HHAT: variants seen among roughly 807,000 people sequenced by gnomAD.
The protein encoded by HHAT is hedgehog acyltransferase, also known as protein-cysteine N-palmitoyltransferase HHAT.
A neutral mutation model predicts 70.8 loss-of-function variants in HHAT; 47 were observed. The observed-to-expected ratio is 0.66, with a 90% CI of 0.53 to 0.85. The LOEUF (loss-of-function observed/expected upper bound fraction) is 0.85. Among genes scored for constraint, HHAT ranks in the 40% least tolerant of loss-of-function variants. The probability of loss-of-function intolerance (pLI) is 0.00; values close to 1 mark genes in which losing one functional copy is unlikely to be tolerated. For missense variants in HHAT, 609 were observed against 604.8 expected (o/e 1.01, Z -0.07); for synonymous variants, 228 against 247.6 (o/e 0.92, Z 0.74).
chr1:210,486,256 A>G (rs2094471186), intron 8 of HHAT, among the ~76,000 whole-genome samples: 1 of 152,176 alleles, frequency 6.6e-6, no homozygotes, highest in South Asian at 2.1e-4. Flanking sequence ...GGACATAAAA[A>G]CAAAGTATTC....
At chr1:210,539,855 G>C (rs1487936650) in intron 9 of HHAT, among the ~76,000 whole-genome samples, 1 of 152,144 alleles carries the variant, frequency 6.6e-6, no homozygotes, top group African/African-American at 2.4e-5. Context: ...CTGGATATGA[G>C]AGTGTGTATC....
At chr1:210,410,721 T>C (rs899985106) in intron 6 of HHAT, among the ~76,000 whole-genome samples, 1 of 151,838 alleles carries the variant, frequency 6.6e-6, no homozygotes, top group African/African-American at 2.4e-5. Flanking sequence ...AGACAGGGTT[T>C]GACCCTGTTG....
intron 8 of HHAT, among the ~76,000 whole-genome samples, chr1:210,495,877 G>A (rs888996936): frequency 6.6e-6 from 1 of 151,978 alleles, no homozygotes; most frequent in African/African-American, 2.4e-5. Context: ...GTATGGTGGT[G>A]CATGCCTGTA....
At chr1:210,442,767 G>A (rs1413861274) in intron 7 of HHAT, among the ~76,000 whole-genome samples, 1 of 152,124 alleles carries the variant, frequency 6.6e-6, no homozygotes, top group Non-Finnish European at 1.5e-5. Context: ...TGTCAGATGA[G>A]TAGGTTGCGA....
chr1:210,494,494 C>T (rs529173804), intron 8 of HHAT, among the ~76,000 whole-genome samples: 73 of 143,514 alleles, frequency 5.1e-4, no homozygotes, highest in African/African-American at 1.8e-3. Flanking sequence ...GGAAGGCTAC[C>T]GGAGGAGGAG....
intron 9 of HHAT, among the ~76,000 whole-genome samples, chr1:210,528,607 G>A (rs951844157): frequency 6.6e-6 from 1 of 152,184 alleles, no homozygotes; most frequent in Non-Finnish European, 1.5e-5. Context: ...ACTTTCACTA[G>A]CAAATGCATA....
intron 9 of HHAT, among the ~76,000 whole-genome samples, chr1:210,569,289 G>T (rs928340340): frequency 6.8e-6 from 1 of 148,124 alleles, no homozygotes; most frequent in African/African-American, 2.5e-5. Context: ...CAGGAGAATC[G>T]CTTGAACCTG....
chr1:210,357,947 T>C (rs1558345626), intron 2 of HHAT, among the ~76,000 whole-genome samples: 3 of 152,318 alleles, frequency 2.0e-5, no homozygotes, highest in South Asian at 4.1e-4. Context: ...CCTTTTGTTA[T>C]AGGGGCCTCA....
At chr1:210,654,286 C>A (rs1407125628) in intron 11 of HHAT, among the ~76,000 whole-genome samples, 1 of 131,586 alleles carries the variant, frequency 7.6e-6, no homozygotes, top group Non-Finnish European at 1.7e-5. Context: ...AAGGCAGTCC[C>A]CATTTCTACA....
intron 8 of HHAT, among the ~76,000 whole-genome samples, chr1:210,472,832 G>C (rs942617153): frequency 2.6e-5 from 4 of 152,130 alleles, no homozygotes; most frequent in Admixed American, 6.5e-5. Context: ...TTGAAGTGGG[G>C]GCTTACAGGT....
intron 4 of HHAT, among the ~76,000 whole-genome samples, chr1:210,389,600 C>T (rs1403010116): frequency 1.3e-5 from 2 of 152,228 alleles, no homozygotes; most frequent in Non-Finnish European, 2.9e-5. Flanking sequence ...TTTGCTCATT[C>T]TCTCTTCTGC....
chr1:210,487,356 C>G (rs1448673859), intron 8 of HHAT, among the ~76,000 whole-genome samples: 2 of 152,088 alleles, frequency 1.3e-5, no homozygotes, highest in Non-Finnish European at 2.9e-5. Flanking sequence ...TAAACATGGT[C>G]TCCTGCAGAG....
chr1:210,631,213 TTC>T (rs1558314515), intron 11 of HHAT: 2 of 430,720 alleles, frequency 4.6e-6, no homozygotes, highest in Admixed American at 2.6e-5. Flanking sequence ...AATTCTACTC[TTC>T]TCTCTCTGCT....
At chr1:210,377,881 C>T (rs2090348011) in intron 3 of HHAT, among the ~76,000 whole-genome samples, 1 of 152,158 alleles carries the variant, frequency 6.6e-6, no homozygotes, top group African/African-American at 2.4e-5. Context: ...TTGCAAGCAA[C>T]TTCACCTATG....
chr1:210,365,778 G>A (rs761990875), intron 3 of HHAT, among the ~76,000 whole-genome samples: 10 of 151,164 alleles, frequency 6.6e-5, no homozygotes, highest in Non-Finnish European at 1.0e-4. Flanking sequence ...ACCACGCCTG[G>A]CCAATTTTTG....
intron 10 of HHAT, among the ~76,000 whole-genome samples, chr1:210,611,570 C>T (rs942102067): frequency 1.1e-4 from 17 of 151,968 alleles, no homozygotes; most frequent in African/African-American, 4.1e-4. Context: ...GAGAGAGCAT[C>T]CTTGTCTAGT....
chr1:210,588,326 A>G (rs868300924), intron 10 of HHAT: 2 of 448,144 alleles, frequency 4.5e-6, no homozygotes, highest in Middle Eastern at 5.8e-4. Context: ...TAAAAAATGT[A>G]TTATGTAAAA....
intron 7 of HHAT, among the ~76,000 whole-genome samples, chr1:210,436,525 G>A (rs1255181363): frequency 6.6e-6 from 1 of 151,614 alleles, no homozygotes; most frequent in Admixed American, 6.6e-5. Context: ...TTTTGATGGG[G>A]ATAGAGCAGT....
chr1:210,636,306 C>T lies in HHAT; in HGVS notation c.1390+12636C>T, dbSNP rs957649280. On this transcript the variant is annotated intron_variant, in intron 11 of 11. Transcript: ENST00000261458. ...TTAGGGAGGGATTCACTTCCCTCCC[C>T]TTCTCCTTTGGAGGTGGGAACTAGG... 3.0e-4 allele frequency among the ~76,000 whole-genome samples: 46 copies of T among 152,336 alleles called. 1 individual carries two copies. Among genetic ancestry groups the T allele is most frequent in the Middle Eastern group, 6.8e-3 (2 of 294 alleles).
Sources: gnomAD v4.1 joint callset for allele counts (sites outside exome capture counted in the v4.1 genomes callset) on GRCh38, gnomAD v4.1.1 for gene constraint, MANE v1.5 for transcripts, NCBI Gene and HGNC (gene_info 2026-07-23, HGNC 2026-07-21) for gene names.